MTUS2: variants seen among roughly 807,000 people sequenced by gnomAD.
The protein encoded by MTUS2 is microtubule associated scaffold protein 2.
Under a neutral mutation model 114.1 loss-of-function variants are expected in MTUS2, and 40 were observed. The observed-to-expected ratio is 0.35, with a 90% CI of 0.27 to 0.46. MTUS2 has a LOEUF of 0.46. Ranked by LOEUF, MTUS2 falls within the 20% of genes least tolerant of loss-of-function variation. The pLI is 1.00. For missense variants in MTUS2, 1,679 were observed against 1,705.4 expected (o/e 0.98, Z 0.27); for synonymous variants, 688 against 672.0 (o/e 1.02, Z -0.37).
chr13:29,085,870 T>C (rs1053514583), intron 4 of MTUS2, among the ~76,000 whole-genome samples: 1 of 152,190 alleles, frequency 6.6e-6, no homozygotes, highest in African/African-American at 2.4e-5. Flanking sequence ...CTGCTTTCTA[T>C]AGTAGCCAAA....
intron 2 of MTUS2, among the ~76,000 whole-genome samples, chr13:28,926,108 G>GC (rs1164352825): frequency 6.6e-6 from 1 of 152,128 alleles, no homozygotes; most frequent in Non-Finnish European, 1.5e-5. Context: ...ATTTTCCTCA[G>GC]CTTCTCATTA....
intron 6 of MTUS2, among the ~76,000 whole-genome samples, chr13:29,313,768 T>C (rs747033673): frequency 1.3e-5 from 2 of 151,908 alleles, no homozygotes; most frequent in Non-Finnish European, 2.9e-5. Flanking sequence ...AGCATGAAAT[T>C]TTACAACGCT....
In MTUS2 at chr13:29,222,522, A is replaced by G. The variant is rs539711840; in HGVS notation, c.2645-59182A>G. Among the ~76,000 whole-genome samples the G allele has an allele frequency of 1.8e-4, 28 of 152,352 alleles. 1 individual carries two copies. The South Asian group carries it at 2.7e-3, about 15-fold the overall frequency. On this transcript the variant is annotated intron_variant, in intron 5 of 15. Coordinates refer to ENST00000612955, the MANE Select transcript of MTUS2 (RefSeq NM_001033602.4). ...CTTTTCTTTTTCAAGTGAATATGCTATATCTTTGTGATGGAGGTGGTGGCC... is the reference window on the plus strand; with the variant it reads ...CTTTTCTTTTTCAAGTGAATATGCTGTATCTTTGTGATGGAGGTGGTGGCC...
chr13:29,388,045 T>C (rs1386109756), intron 8 of MTUS2, among the ~76,000 whole-genome samples: 1 of 152,102 alleles, frequency 6.6e-6, no homozygotes, highest in African/African-American at 2.4e-5. Context: ...ACCGCACACC[T>C]ATGGCTCTGA....
chr13:29,021,290 A>C (rs1214646117), intron 2 of MTUS2, among the ~76,000 whole-genome samples: 2 of 152,214 alleles, frequency 1.3e-5, no homozygotes, highest in African/African-American at 4.8e-5. Context: ...AATTTGTATA[A>C]TGGCTGAGAA....
intron 5 of MTUS2, among the ~76,000 whole-genome samples, chr13:29,126,177 C>T (rs912566389): frequency 5.9e-5 from 9 of 152,026 alleles, no homozygotes; most frequent in African/African-American, 2.2e-4. Flanking sequence ...TTCCTCTTTC[C>T]CTTAACTCCT....
intron 4 of MTUS2, among the ~76,000 whole-genome samples, chr13:29,098,268 A>G (rs998640579): frequency 6.6e-6 from 1 of 152,230 alleles, no homozygotes. Flanking sequence ...AGCTGGTGGT[A>G]TAAAAGGAAT....
chr13:28,985,431 G>C (rs1426978457), intron 2 of MTUS2, among the ~76,000 whole-genome samples: 1 of 152,048 alleles, frequency 6.6e-6, no homozygotes, highest in Non-Finnish European at 1.5e-5. Context: ...GTGATAATTT[G>C]GTATATTGTT....
chr13:29,431,615 A>G (rs923521466), intron 8 of MTUS2, among the ~76,000 whole-genome samples: 4 of 152,254 alleles, frequency 2.6e-5, no homozygotes, highest in African/African-American at 4.8e-5. Flanking sequence ...GTTTCTTGGC[A>G]AAAGTGGAAC....
chr13:29,376,042 T>C (rs909440889), intron 8 of MTUS2, among the ~76,000 whole-genome samples: 11 of 69,618 alleles, frequency 1.6e-4, no homozygotes, highest in African/African-American at 6.4e-4. Flanking sequence ...TATATATATG[T>C]GTGTGTGTGT....
rs761491782 is a variant in MTUS2, at chr13:29,497,319, A to G, written c.3661A>G (p.Thr1221Ala). 1 of 1,611,762 alleles carries G rather than the reference A, an allele frequency of 6.2e-7. No homozygotes were observed. Among genetic ancestry groups the G allele is most frequent in the African/African-American group, 1.3e-5 (1 of 74,974 alleles). ...CTTCGAAGAGGCCTTGAGGAAGAAC[A>G]CAGAGGAGCAGCTGGAGGTCGTTTC... ...RRFEEALRKNTEEQLEIALAP... is the reference protein window; with the variant it reads ...RRFEEALRKNAEEQLEIALAP... The change falls in exon 13 of 16, where the codon ACA becomes GCA. Residue 1221 changes from threonine to alanine, a missense_variant. Thr to Ala is a moderately conservative substitution (Grantham distance 58, BLOSUM62 0). Around this residue, in one of 3 missense-constraint regions of MTUS2, gnomAD observed 822 missense variants for 899.7 expected, o/e 0.91. Coordinates refer to ENST00000612955, the MANE Select transcript of MTUS2 (RefSeq NM_001033602.4).
intron 5 of MTUS2, among the ~76,000 whole-genome samples, chr13:29,204,632 C>A (rs1396929888): frequency 6.6e-6 from 1 of 152,210 alleles, no homozygotes; most frequent in Non-Finnish European, 1.5e-5. Context: ...GACCACAGGG[C>A]CCAATGTTTC....
intron 5 of MTUS2, among the ~76,000 whole-genome samples, chr13:29,268,072 C>T (rs537039631): frequency 4.5e-4 from 68 of 152,044 alleles, no homozygotes; most frequent in African/African-American, 1.5e-3. Context: ...TAAGTATACA[C>T]GTGTCATGGT....
intron 5 of MTUS2, among the ~76,000 whole-genome samples, chr13:29,143,431 A>G (rs1421040629): frequency 2.0e-5 from 3 of 152,168 alleles, no homozygotes; most frequent in Non-Finnish European, 4.4e-5. Context: ...CTCCAAAAGC[A>G]TTTTTCTGCC....
chr13:29,194,783 G>C (rs902130004), intron 5 of MTUS2, among the ~76,000 whole-genome samples: 14 of 152,180 alleles, frequency 9.2e-5, no homozygotes, highest in East Asian at 3.9e-4. Flanking sequence ...CTGCTATAAA[G>C]ACACATGCAC....
intron 6 of MTUS2, among the ~76,000 whole-genome samples, chr13:29,311,045 CA>C (rs1160669002): frequency 6.6e-6 from 1 of 152,132 alleles, no homozygotes; most frequent in African/African-American, 2.4e-5. Context: ...CATTATTTGT[CA>C]ATGCAAATGA....
chr13:28,942,490 T>C (rs1004683958), intron 2 of MTUS2, among the ~76,000 whole-genome samples: 8 of 152,228 alleles, frequency 5.3e-5, no homozygotes, highest in Non-Finnish European at 1.2e-4. Flanking sequence ...ATGGCACATA[T>C]TAGCATCAAA....
At chr13:28,978,948 C>T (rs1884237727) in intron 2 of MTUS2, among the ~76,000 whole-genome samples, 1 of 152,226 alleles carries the variant, frequency 6.6e-6, no homozygotes, top group South Asian at 2.1e-4. Flanking sequence ...ATATGACCTT[C>T]CCAAAATGAC....
At chr13:29,100,317 C>G (rs1282362457) in intron 4 of MTUS2, among the ~76,000 whole-genome samples, 1 of 152,176 alleles carries the variant, frequency 6.6e-6, no homozygotes, top group Non-Finnish European at 1.5e-5. Flanking sequence ...TTTCATAAGA[C>G]TTATTACAAA....
Sources: gnomAD v4.1 joint callset for allele counts (sites outside exome capture counted in the v4.1 genomes callset) on GRCh38, gnomAD v4.1.1 for gene constraint, gnomAD v4.1.1 regional missense constraint, MANE v1.5 for transcripts, NCBI Gene and HGNC (gene_info 2026-07-23, HGNC 2026-07-21) for gene names.